Variants in DPH6 observed in about 807,000 individuals in gnomAD.
DPH6 encodes diphthamine biosynthesis 6, also known as diphthine--ammonia ligase.
Under a neutral mutation model 38.2 loss-of-function variants are expected in DPH6, and 33 were observed. That is an observed-to-expected ratio of 0.86 (90% CI 0.65 to 1.15). The LOEUF (loss-of-function observed/expected upper bound fraction) is 1.15. Ranked by LOEUF, DPH6 falls within the 50% of genes most tolerant of loss-of-function variation. The probability of loss-of-function intolerance (pLI) is 0.00; values close to 1 mark genes in which losing one functional copy is unlikely to be tolerated. For synonymous variants in DPH6, 108 were observed against 103.0 expected (o/e 1.05, Z -0.30); for missense variants, 325 against 320.0 (o/e 1.02, Z -0.12).
intron 3 of DPH6, among the ~76,000 whole-genome samples, chr15:35,269,790 C>CTTT (rs1198000526): frequency 3.7e-5 from 4 of 108,544 alleles, no homozygotes; most frequent in Admixed American, 9.8e-5. Context: ...GGGTGTGTTT[C>CTTT]TTTTTTTTTT....
chr15:35,365,969 T>C, downstream of DPH6: 1 of 985,256 alleles, frequency 1.0e-6, no homozygotes. Context: ...TTCTGCTCCT[T>C]AGCCTAAGGG....
intron 3 of DPH6, among the ~76,000 whole-genome samples, chr15:35,355,393 C>A (rs950279931): frequency 6.6e-6 from 1 of 152,154 alleles, no homozygotes; most frequent in African/African-American, 2.4e-5. Context: ...ATGGTCTTTA[C>A]AATTTGGCAT....
At chr15:35,468,447 G>A (rs193269968) in intron 3 of DPH6, among the ~76,000 whole-genome samples, 52 of 152,236 alleles carry the variant, frequency 3.4e-4, no homozygotes, top group African/African-American at 1.2e-3. Context: ...TAAGCTAACT[G>A]TCTTGCCTGC....
intron 3 of DPH6, among the ~76,000 whole-genome samples, chr15:35,474,002 A>G (rs2054234032): frequency 6.6e-6 from 1 of 151,438 alleles, no homozygotes; most frequent in Non-Finnish European, 1.5e-5. Flanking sequence ...TATTTCTAGA[A>G]GGATACATAA....
chr15:35,415,039 C>CACA (rs2053418451), intron 5 of DPH6, among the ~76,000 whole-genome samples: 1 of 151,950 alleles, frequency 6.6e-6, no homozygotes. Context: ...CATTACAGCA[C>CACA]ACAACTTCAG....
chr15:35,379,425 G>A (rs1042086166), intron 7 of DPH6, among the ~76,000 whole-genome samples: 2 of 152,074 alleles, frequency 1.3e-5, no homozygotes, highest in African/African-American at 2.4e-5. Context: ...TATAAAATCT[G>A]TCCCCAAAAT....
At chr15:35,337,295 C>T (rs530275277) in intron 3 of DPH6, among the ~76,000 whole-genome samples, 6 of 152,122 alleles carry the variant, frequency 3.9e-5, no homozygotes, top group East Asian at 1.9e-4. Context: ...TGGTGATACC[C>T]CCTTTATCAT....
At position 35,441,556 on chromosome 15, in the gene DPH6, A is replaced by G. The variant is rs148882106; in HGVS notation, c.505+9129T>C. ...ACCATCATTCTCAGCAAACTAACACAGCAACAGAAAATCAAATACCACATG... is the reference window on the plus strand; with the variant it reads ...ACCATCATTCTCAGCAAACTAACACGGCAACAGAAAATCAAATACCACATG... On this transcript the variant is annotated intron_variant, in intron 5 of 8. Coordinates refer to ENST00000256538, the MANE Select transcript of DPH6 (RefSeq NM_080650.4). Among the ~76,000 whole-genome samples the G allele has an allele frequency of 4.1e-3, 630 of 152,338 alleles. 10 individuals carry two copies. The highest frequency in any genetic ancestry group is 0.014 in the African/African-American group (600 of 41,570).
intron 3 of DPH6, among the ~76,000 whole-genome samples, chr15:35,492,657 T>C (rs1158743042): frequency 6.6e-6 from 1 of 152,190 alleles, no homozygotes; most frequent in Non-Finnish European, 1.5e-5. Flanking sequence ...CTGCCAGGTA[T>C]TTAACATGTT....
At chr15:35,492,622 G>A (rs1443807237) in intron 3 of DPH6, among the ~76,000 whole-genome samples, 1 of 152,140 alleles carries the variant, frequency 6.6e-6, no homozygotes. Flanking sequence ...AACCATGATT[G>A]AGCTGTTAAA....
At chr15:35,193,678 G>A in the DPH6 span, among the ~76,000 whole-genome samples, 24 of 152,114 alleles carry the variant, frequency 1.6e-4, no homozygotes, top group African/African-American at 3.6e-4. Flanking sequence ...GTCTTGGTTC[G>A]GAAATCACAG....
At chr15:35,293,754 G>C (rs531341700) in intron 3 of DPH6, among the ~76,000 whole-genome samples, 1 of 152,344 alleles carries the variant, frequency 6.6e-6, no homozygotes, top group East Asian at 1.9e-4. Context: ...TAAACGCACA[G>C]AGGTGGTGGA....
intron 3 of DPH6, among the ~76,000 whole-genome samples, chr15:35,530,673 G>A (rs2055073463): frequency 6.6e-6 from 1 of 152,174 alleles, no homozygotes; most frequent in African/African-American, 2.4e-5. Context: ...CATTTTCTAG[G>A]CTTTAGGGGG....
chr15:35,354,000 C>T (rs1197445305), intron 3 of DPH6, among the ~76,000 whole-genome samples: 1 of 152,090 alleles, frequency 6.6e-6, no homozygotes, highest in Non-Finnish European at 1.5e-5. Context: ...CTTCACATCC[C>T]TTATAAGTTG....
intron 3 of DPH6, among the ~76,000 whole-genome samples, chr15:35,364,202 C>A (rs993958964): frequency 1.3e-5 from 2 of 151,816 alleles, no homozygotes; most frequent in African/African-American, 2.4e-5. Context: ...TTTTTCCCAA[C>A]ATATTTTGAG....
At chr15:35,155,763 A>G in the DPH6 span, among the ~76,000 whole-genome samples, 1 of 152,242 alleles carries the variant, frequency 6.6e-6, no homozygotes, top group Non-Finnish European at 1.5e-5. Flanking sequence ...GTGTTCTTTC[A>G]TGAGAAAGGC....
intron 3 of DPH6, among the ~76,000 whole-genome samples, chr15:35,307,583 T>C (rs1384482479): frequency 6.6e-6 from 1 of 152,086 alleles, no homozygotes; most frequent in African/African-American, 2.4e-5. Context: ...ATTAGAAAAA[T>C]GCATCAATTT....
chr15:35,282,062 T>C (rs1047571967), intron 3 of DPH6, among the ~76,000 whole-genome samples: 1 of 152,248 alleles, frequency 6.6e-6, no homozygotes, highest in African/African-American at 2.4e-5. Context: ...CTATTGCTTC[T>C]CCAAGCATAT....
At chr15:35,378,399 C>G (rs1464368549) in intron 7 of DPH6, among the ~76,000 whole-genome samples, 1 of 152,166 alleles carries the variant, frequency 6.6e-6, no homozygotes, top group African/African-American at 2.4e-5. Context: ...TTAGTTCAAC[C>G]ATTATGGAAG....
Sources: allele counts gnomAD v4.1 joint callset (sites outside exome capture counted in the v4.1 genomes callset), GRCh38; gene constraint gnomAD v4.1.1; transcripts MANE v1.5; gene names NCBI Gene and HGNC (gene_info 2026-07-23, HGNC 2026-07-21).